The following NFYA variants were observed in gnomAD, a reference collection of about 807,000 sequenced individuals.
NFYA encodes CAAT-box DNA binding protein subunit A.
Under a neutral mutation model 52.8 loss-of-function variants are expected in NFYA, and 28 were observed. That is an observed-to-expected ratio of 0.53 (90% CI 0.39 to 0.73). The LOEUF is 0.73. NFYA is among the 30% of genes least tolerant of loss of function. The pLI is 0.00. For missense variants in NFYA, 234 were observed against 427.0 expected (o/e 0.55, Z 3.98); for synonymous variants, 150 against 150.7 (o/e 1.00, Z 0.03).
At position 41,089,687 on chromosome 6, in the gene NFYA, G is replaced by T; in HGVS notation, c.418G>T (p.Ala140Ser). The change falls in exon 5 of 10, where the codon GCT (alanine) becomes TCT (serine). Residue 140 changes from alanine to serine, a missense_variant. By Grantham distance (99) the Ala-to-Ser change is moderately conservative (BLOSUM62 1). This residue lies in a region of NFYA where 118 missense variants were observed against 182.4 expected (regional missense o/e 0.65). Transcript: ENST00000341376. ...GATCATCATCCAGCAGCCCCAGACG[G>T]CTGTCACTGCTGGCCAGACTCAGGT... is the stretch of plus-strand genomic sequence containing the variant. The part of the protein sequence containing the change: ...QQIIIQQPQT[A>S]VTAGQTQTQQ... 6.2e-7 allele frequency: 1 copy of T among 1,612,562 alleles called. No homozygotes were observed. Among genetic ancestry groups the T allele is most frequent in the Non-Finnish European group, 8.5e-7 (1 of 1,179,914 alleles).
intron 2 of NFYA, among the ~76,000 whole-genome samples, chr6:41,079,432 T>C (rs1763847476): frequency 6.6e-6 from 1 of 152,272 alleles, no homozygotes; most frequent in African/African-American, 2.4e-5. Context: ...ATTTGGACTT[T>C]AAAATTTTTC....
At chr6:41,077,816 C>CT (rs1763782710) in intron 1 of NFYA, among the ~76,000 whole-genome samples, 1 of 152,144 alleles carries the variant, frequency 6.6e-6, no homozygotes, top group Non-Finnish European at 1.5e-5. Context: ...AAGGGCAGTG[C>CT]TTTGGAGAAC....
chr6:41,073,969 G>C (rs1234092806), intron 1 of NFYA, among the ~76,000 whole-genome samples: 1 of 151,524 alleles, frequency 6.6e-6, no homozygotes, highest in Non-Finnish European at 1.5e-5. Flanking sequence ...TTCGGTGCCT[G>C]GAACCTCACT....
Position 41,098,313 on chromosome 6 carries a change from A to G in NFYA, c.*903A>G, listed in dbSNP as rs1379896832. ...GGCCAAACTAGAGATTTTCAATCAT[A>G]GACTTTGTGACAGCATTTGGGGAAC... On this transcript the variant is annotated 3_prime_UTR_variant, in exon 10 of 10. Transcript: ENST00000341376. The G allele has an allele frequency of 2.0e-5, 3 of 152,432 alleles. No individual in the cohort carries two copies. Among genetic ancestry groups the G allele is most frequent in the Non-Finnish European group, 2.9e-5 (2 of 68,060 alleles). The allele number at this position is 152,432 out of a possible 1,614,324, so 9.4% of individuals were successfully genotyped here. A position where few individuals can be genotyped will look rare whatever the true frequency, so the allele number is the denominator to read the frequency against.
intron 3 of NFYA, among the ~76,000 whole-genome samples, chr6:41,081,248 G>A (rs1763896663): frequency 1.3e-5 from 2 of 152,144 alleles, no homozygotes; most frequent in African/African-American, 4.8e-5. Flanking sequence ...CCAGCACTTT[G>A]GGAGGCCGAG....
chr6:41,090,334 A>C (rs1173910513), intron 6 of NFYA, 25 bp downstream of exon 6: 12 of 1,565,532 alleles, frequency 7.7e-6, no homozygotes, highest in African/African-American at 1.4e-5. Context: ...AAGCTTCCCT[A>C]GGACTTTTTG....
chr6:41,080,596 T>C (rs1032611218), intron 2 of NFYA, among the ~76,000 whole-genome samples: 3 of 152,168 alleles, frequency 2.0e-5, no homozygotes, highest in African/African-American at 7.2e-5. Flanking sequence ...TGTTTTGAGT[T>C]TTTGAGTCAA....
intron 3 of NFYA, among the ~76,000 whole-genome samples, chr6:41,083,326 T>A (rs1313338670): frequency 3.3e-5 from 5 of 152,204 alleles, no homozygotes; most frequent in Non-Finnish European, 5.9e-5. Context: ...TTGCTTCTGA[T>A]AAAGCTAAAA....
intron 1 of NFYA, among the ~76,000 whole-genome samples, chr6:41,077,761 C>T (rs1763781004): frequency 6.6e-6 from 1 of 152,124 alleles, no homozygotes; most frequent in Admixed American, 6.6e-5. Flanking sequence ...ATATGTAAAT[C>T]CAAATTATAG....
rs1208282485 is a variant in NFYA at position 41,100,858 on chromosome 6, A to G, written c.*3448A>G. On this transcript the variant is annotated 3_prime_UTR_variant, in exon 10 of 10. Transcript: ENST00000341376. ...TCTCCCCGGGGAAGTAGGCCCCGCT[A>G]AGAATGTGGGAAGGTGGTGGGGCGG... 6.6e-6 allele frequency among the ~76,000 whole-genome samples: 1 copy of G among 152,168 alleles called. No homozygotes were observed.
intron 4 of NFYA, among the ~76,000 whole-genome samples, chr6:41,087,979 C>G (rs1333171269): frequency 6.6e-6 from 1 of 152,066 alleles, no homozygotes; most frequent in Non-Finnish European, 1.5e-5. Flanking sequence ...ATAGGAGATA[C>G]AAATTAAATC....
Position 41,097,456 on chromosome 6 carries a change from T to A in NFYA, c.*46T>A. ...CTGATCAAGGTCATGTTTCTCACTG[T>A]TCCAGGAAATTGATCAACTCTTCCA... On this transcript the variant is annotated 3_prime_UTR_variant, in exon 10 of 10. Coordinates refer to ENST00000341376, the MANE Select transcript of NFYA (RefSeq NM_002505.5). 5 of 1,589,646 alleles carry A rather than the reference T, an allele frequency of 3.1e-6. No homozygotes were observed. Among genetic ancestry groups the A allele is most frequent in the Non-Finnish European group, 4.3e-6 (5 of 1,158,578 alleles).
At position 41,090,205 on chromosome 6, in the gene NFYA, C is replaced by G; in HGVS notation, c.443C>G (p.Thr148Arg). 1.9e-6 allele frequency: 3 copies of G among 1,605,550 alleles called. No individual in the cohort carries two copies. Among genetic ancestry groups the G allele is most frequent in the South Asian group, 2.2e-5 (2 of 90,894 alleles). The change falls in exon 6 of 10, where the codon ACA (threonine) becomes AGA (arginine). Residue 148 changes from threonine (T) to arginine (R), a missense_variant and splice_region_variant. By Grantham distance (71) the Thr-to-Arg change is moderately conservative. This residue lies in a region of NFYA where 118 missense variants were observed against 182.4 expected (regional missense o/e 0.65). Coordinates refer to ENST00000341376, the MANE Select transcript of NFYA (RefSeq NM_002505.5). Reference protein sequence around the residue: ...QTAVTAGQTQTQQQIAVQGQQ... With the variant: ...QTAVTAGQTQRQQQIAVQGQQ... ...TGTGTCATTACTTATTTCCTCCAGA[C>G]ACAGCAGCAGATTGCTGTCCAGGGA...
intron 2 of NFYA, 96 bp downstream of exon 2, chr6:41,079,260 G>C: frequency 2.6e-6 from 3 of 1,160,326 alleles, no homozygotes; most frequent in Non-Finnish European, 3.8e-6. Context: ...TTATTTGAAA[G>C]ATACCAGATC....
chr6:41,087,733 A>G (rs560412996), intron 4 of NFYA, among the ~76,000 whole-genome samples: 65 of 152,236 alleles, frequency 4.3e-4, no homozygotes, highest in African/African-American at 1.4e-3. Context: ...AAAAGTGTTC[A>G]CTAGTTATAT....
chr6:41,097,277 T>C, intron 9 of NFYA, 80 bp from the exon 10 acceptor site: 1 of 1,296,072 alleles, frequency 7.7e-7, no homozygotes, highest in Non-Finnish European at 1.1e-6. Context: ...TGTATTCTCT[T>C]GGGGGGATAA....
At chr6:41,090,350 ACTTTTTTGTCC>A (rs756557146) in intron 6 of NFYA, 41 bp downstream of exon 6, 2 of 1,361,150 alleles carry the variant, frequency 1.5e-6, no homozygotes, top group South Asian at 2.3e-5. Flanking sequence ...TTTTGGGGCA[ACTTTTTTGTCC>A]CTTAGACAAC....
intron 3 of NFYA, among the ~76,000 whole-genome samples, chr6:41,083,551 T>C (rs1763965487): frequency 6.6e-6 from 1 of 152,204 alleles, no homozygotes; most frequent in African/African-American, 2.4e-5. Context: ...CTACATAAGC[T>C]TCCAGAGCTG....
intron 1 of NFYA, among the ~76,000 whole-genome samples, chr6:41,073,518 T>C (rs1288526005): frequency 6.6e-6 from 1 of 151,806 alleles, no homozygotes; most frequent in Non-Finnish European, 1.5e-5. Context: ...CCTTGCACTC[T>C]CCACTCTCCG....
Sources: allele counts gnomAD v4.1 joint callset (sites outside exome capture counted in the v4.1 genomes callset), GRCh38; gene constraint gnomAD v4.1.1; regional missense constraint gnomAD v4.1.1; transcripts MANE v1.5; gene names NCBI Gene and HGNC (gene_info 2026-07-23, HGNC 2026-07-21).